DSCAML1: variants seen among roughly 807,000 people sequenced by gnomAD.
The protein encoded by DSCAML1 is cell adhesion molecule DSCAML1.
A neutral mutation model predicts 200.5 loss-of-function variants in DSCAML1; 38 were observed. That is an observed-to-expected ratio of 0.19 (90% confidence interval 0.15 to 0.25). DSCAML1 has a LOEUF of 0.25. Ranked by LOEUF, DSCAML1 falls within the 10% of genes least tolerant of loss-of-function variation. The pLI, the probability that DSCAML1 is intolerant of heterozygous loss-of-function variation, is 1.00. For synonymous variants in DSCAML1, 1,215 were observed against 1,165.0 expected (o/e 1.04, Z -0.87); for missense variants, 2,223 against 2,858.8 (o/e 0.78, Z 5.07).
chr11:117,485,459 G>C (rs2049027895), intron 11 of DSCAML1, among the ~76,000 whole-genome samples: 1 of 152,212 alleles, frequency 6.6e-6, no homozygotes, highest in South Asian at 2.1e-4. Flanking sequence ...TGAGGAAGAG[G>C]AGAGAAGCTT....
chr11:117,510,911 T>C (rs1166716561), intron 8 of DSCAML1, among the ~76,000 whole-genome samples: 2 of 152,178 alleles, frequency 1.3e-5, no homozygotes, highest in African/African-American at 4.8e-5. Context: ...CTCCCCCAAA[T>C]GGCATGCAGG....
chr11:117,749,463 A>G (rs2054569374), intron 3 of DSCAML1, among the ~76,000 whole-genome samples: 1 of 152,238 alleles, frequency 6.6e-6, no homozygotes, highest in Non-Finnish European at 1.5e-5. Flanking sequence ...CTGTGCCTCT[A>G]ACACTCCCTG....
rs117021313 is a variant in DSCAML1 at position 117,496,307 on chromosome 11, G to A, written c.2359+7538C>T. ...GTCTTTGTCACCAGGCTGGACACCC[G>A]GGGGCTGCTCAGGAAGCACCTGGTT... On this transcript the variant is annotated intron_variant, in intron 11 of 32. Coordinates refer to ENST00000651296, the MANE Select transcript of DSCAML1 (RefSeq NM_020693.4). 6.7e-3 allele frequency among the ~76,000 whole-genome samples: 1,017 copies of A among 152,222 alleles called. 8 individuals carry two copies. The highest frequency in any genetic ancestry group is 0.032 in the South Asian group (152 of 4,804).
chr11:117,607,016 T>C lies in DSCAML1; in HGVS notation c.512-74494A>G, dbSNP rs536747274. 1.1e-4 allele frequency among the ~76,000 whole-genome samples: 17 copies of C among 152,266 alleles called. No individual in the cohort carries two copies. In the South Asian group the frequency reaches 3.5e-3, roughly 32 times the overall value. ...AATCACAGCCCTGCCCTTGGGAGAC[T>C]CACCATCTACTGGGACCAGACAGTG... On this transcript the variant is annotated intron_variant, in intron 3 of 32. Coordinates refer to ENST00000651296, the MANE Select transcript of DSCAML1 (RefSeq NM_020693.4).
chr11:117,558,882 G>A (rs1179012257), intron 3 of DSCAML1, among the ~76,000 whole-genome samples: 1 of 152,190 alleles, frequency 6.6e-6, no homozygotes, highest in African/African-American at 2.4e-5. Flanking sequence ...GGAATTTACA[G>A]ATAACACCAG....
chr11:117,675,938 C>T (rs2053203669), intron 3 of DSCAML1, among the ~76,000 whole-genome samples: 1 of 152,134 alleles, frequency 6.6e-6, no homozygotes. Context: ...GAGTGGTCCC[C>T]ACTCCAGGGC....
chr11:117,508,251 C>T (rs59302845), intron 8 of DSCAML1, among the ~76,000 whole-genome samples: 3,130 of 152,190 alleles, frequency 0.021, 113 homozygotes, highest in African/African-American at 0.069. Flanking sequence ...TCTGTGAAGC[C>T]CACCTTCCTT....
At chr11:117,475,513 G>C (rs529044244) in intron 14 of DSCAML1, among the ~76,000 whole-genome samples, 8 of 152,260 alleles carry the variant, frequency 5.3e-5, no homozygotes, top group African/African-American at 1.7e-4. Context: ...TCTTTCAAGG[G>C]TTCACTGTTT....
chr11:117,630,510 T>C (rs542252528), intron 3 of DSCAML1, among the ~76,000 whole-genome samples: 46 of 152,126 alleles, frequency 3.0e-4, no homozygotes, highest in African/African-American at 1.1e-3. Context: ...CCTGTCTCTC[T>C]ATTGCCCCTG....
intron 20 of DSCAML1, among the ~76,000 whole-genome samples, chr11:117,446,371 AAAAC>A (rs1484776990): frequency 6.8e-6 from 1 of 146,250 alleles, no homozygotes; most frequent in East Asian, 1.9e-4. Flanking sequence ...TCTCAAAACA[AAAAC>A]AAAAACAAAA....
At chr11:117,528,391 T>C (rs1157830482) in intron 4 of DSCAML1, among the ~76,000 whole-genome samples, 3 of 152,214 alleles carry the variant, frequency 2.0e-5, no homozygotes, top group African/African-American at 7.2e-5. Context: ...CCTCTTCCAT[T>C]ACTCCAGAGC....
intron 3 of DSCAML1, among the ~76,000 whole-genome samples, chr11:117,660,559 G>C (rs1259903486): frequency 6.6e-6 from 1 of 152,066 alleles, no homozygotes; most frequent in Non-Finnish European, 1.5e-5. Flanking sequence ...TAAGAGGGGA[G>C]GCTGTAGCCG....
rs1434301085 is a variant in DSCAML1 at position 117,780,199 on chromosome 11, G to A, written c.364+294C>T. Among the ~76,000 whole-genome samples the A allele has an allele frequency of 9.3e-4, 48 of 51,718 alleles. 1 individual carries two copies. Among genetic ancestry groups the A allele is most frequent in the African/African-American group, 1.9e-3 (28 of 14,582 alleles). The allele number at this position is 51,718 out of a possible 152,430, so 33.9% of individuals were successfully genotyped here. A position where few individuals can be genotyped will look rare whatever the true frequency, so the allele number is the denominator to read the frequency against. On this transcript the variant is annotated intron_variant, in intron 2 of 32. Coordinates refer to ENST00000651296, the MANE Select transcript of DSCAML1 (RefSeq NM_020693.4). This position sits in a 1 kb window ranked among gnomAD's most constrained non-coding sequence, Gnocchi z 4.8. The stretch of plus-strand genomic sequence containing the variant: ...AAAAAGAAAAAAAGAAAGAAAGAAA[G>A]AGAAAGAAAGAGAGAGAGAGAAAGA...
intron 1 of DSCAML1, among the ~76,000 whole-genome samples, chr11:117,814,487 G>C (rs781728397): frequency 6.6e-6 from 1 of 152,204 alleles, no homozygotes; most frequent in Non-Finnish European, 1.5e-5. Flanking sequence ...GCTCCTGGAG[G>C]CATGGAGCAG....
chr11:117,477,981 A>C (rs971939159), intron 14 of DSCAML1, among the ~76,000 whole-genome samples: 1 of 152,156 alleles, frequency 6.6e-6, no homozygotes, highest in Non-Finnish European at 1.5e-5. Flanking sequence ...AGCTTTCATT[A>C]TCTCTCCCTC....
At chr11:117,749,311 C>A (rs1397033479) in intron 3 of DSCAML1, among the ~76,000 whole-genome samples, 4 of 152,188 alleles carry the variant, frequency 2.6e-5, no homozygotes, top group African/African-American at 9.7e-5. Context: ...CTGCTGCCTG[C>A]CTCTCCCCAT....
At chr11:117,783,141 G>T (rs1042330410) in intron 1 of DSCAML1, among the ~76,000 whole-genome samples, 2 of 152,128 alleles carry the variant, frequency 1.3e-5, no homozygotes, top group African/African-American at 4.8e-5. Context: ...CTCCTTCCTG[G>T]GAGCGGTTTC....
intron 3 of DSCAML1, among the ~76,000 whole-genome samples, chr11:117,706,959 G>A (rs668213): frequency 0.8 from 121,241 of 152,200 alleles, 51,697 homozygotes; most frequent in Non-Finnish European, 0.94. Context: ...TGTGGCCAGC[G>A]TTCTAGCTCT....
rs533415387 is a variant in DSCAML1, at chr11:117,541,967, C to T, written c.512-9445G>A. 5.3e-5 allele frequency among the ~76,000 whole-genome samples: 8 copies of T among 152,298 alleles called. No homozygotes were observed. The East Asian group carries it at 1.5e-3, about 29-fold the overall frequency. ...AGGGCTGCTGGTTTCAGGATGGAAC[C>T]ACATTCAAGTCCAGGACCCAACATT... is the stretch of plus-strand genomic sequence containing the variant. On this transcript the variant is annotated intron_variant, in intron 3 of 32. Transcript: ENST00000651296.
Sources: gnomAD v4.1 joint callset for allele counts (sites outside exome capture counted in the v4.1 genomes callset) on GRCh38, gnomAD v4.1.1 for gene constraint, Gnocchi (gnomAD v3.1) non-coding constraint, MANE v1.5 for transcripts, NCBI Gene and HGNC (gene_info 2026-07-23, HGNC 2026-07-21) for gene names.